RAB6B: variants seen among roughly 807,000 people sequenced by gnomAD.
The protein encoded by RAB6B is RAB6B, member RAS oncogene family.
RAB6B carries 7 observed loss-of-function variants against 31.2 expected under a neutral mutation model. That is an observed-to-expected ratio of 0.22 (90% confidence interval 0.13 to 0.42). The LOEUF (loss-of-function observed/expected upper bound fraction) is 0.42. Among genes scored for constraint, RAB6B ranks in the 10% least tolerant of loss-of-function variants. RAB6B has a pLI of 1.00. For missense variants in RAB6B, 149 were observed against 280.6 expected (o/e 0.53, Z 3.35); for synonymous variants, 105 against 104.9 (o/e 1.00, Z -0.01).
Position 133,825,794 on chromosome 3 carries a change from A to T in RAB6B, c.*2994T>A, listed in dbSNP as rs1165131020. Reference sequence around the variant, plus strand: ...AAAAGAAGGCCAAGAGGATCCTGCTAATCTGCCAGGTCACGTCTAGTCTTT... The same window carrying T: ...AAAAGAAGGCCAAGAGGATCCTGCTTATCTGCCAGGTCACGTCTAGTCTTT... On this transcript the variant is annotated 3_prime_UTR_variant, in exon 8 of 8. Transcript: ENST00000285208. 1 of 152,192 alleles carries T rather than the reference A, an allele frequency of 6.6e-6. No homozygotes were observed. The highest frequency in any genetic ancestry group is 1.5e-5 in the Non-Finnish European group (1 of 68,058). The allele number at this position is 152,192 out of a possible 1,614,324, so 9.4% of individuals were successfully genotyped here.
intron 5 of RAB6B, among the ~76,000 whole-genome samples, 167 bp from the exon 6 acceptor site, chr3:133,838,426 G>A (rs746448561): frequency 6.6e-5 from 10 of 152,126 alleles, no homozygotes; most frequent in Non-Finnish European, 1.3e-4. Context: ...CCACAGTCTC[G>A]CTAGCACAAA....
chr3:133,842,096 C>A (rs1356861296), intron 2 of RAB6B, among the ~76,000 whole-genome samples: 1 of 152,202 alleles, frequency 6.6e-6, no homozygotes, highest in African/African-American at 2.4e-5. Flanking sequence ...ACACTGACCT[C>A]GGGAGGGTGG....
At chr3:133,839,715 C>T (rs948310321) in intron 4 of RAB6B, 98 bp from the exon 5 acceptor site, 9 of 871,270 alleles carry the variant, frequency 1.0e-5, no homozygotes, top group Non-Finnish European at 1.8e-5. Context: ...GGAGGGTGAG[C>T]ATGTGCCCTC....
Position 133,859,536 on chromosome 3 carries a change from C to T in RAB6B, c.129+5048G>A, listed in dbSNP as rs141620814. Among the ~76,000 whole-genome samples the T allele has an allele frequency of 1.6e-3, 249 of 152,304 alleles. 1 individual carries two copies. Among genetic ancestry groups the T allele is most frequent in the African/African-American group, 5.8e-3 (239 of 41,554 alleles). ...TTTTCATCATTGGGTCCTACCTCAC[C>T]TACACCAGCAAAGGCAGTGCGAGGG... is the stretch of plus-strand genomic sequence containing the variant. On this transcript the variant is annotated intron_variant, in intron 2 of 7. Transcript: ENST00000285208.
chr3:133,892,411 C>T lies in RAB6B; in HGVS notation c.70+2986G>A, dbSNP rs557500211. On this transcript the variant is annotated intron_variant, in intron 1 of 7. Transcript: ENST00000285208. ...GCTCTTTCACTGGCTTGAGGTATTT[C>T]CTCCAGAGTGGCTTCTCAAGGGCCT... Among the ~76,000 whole-genome samples the T allele has an allele frequency of 2.0e-5, 3 of 152,282 alleles. No homozygotes were observed. In the South Asian group the frequency reaches 6.2e-4, roughly 32 times the overall value.
At chr3:133,881,238 T>C (rs1917779) in intron 1 of RAB6B, among the ~76,000 whole-genome samples, 28,955 of 152,098 alleles carry the variant, frequency 0.19, 3,257 homozygotes, top group African/African-American at 0.31. Context: ...AGCAGCACTA[T>C]AGATGAGCCA....
chr3:133,841,902 C>T (rs1935841130), intron 2 of RAB6B, among the ~76,000 whole-genome samples: 1 of 152,170 alleles, frequency 6.6e-6, no homozygotes, highest in East Asian at 1.9e-4. Flanking sequence ...CTGGAGAGGG[C>T]AAGTGCTTCA....
intron 1 of RAB6B, chr3:133,894,519 G>C (rs946551218): frequency 2.0e-5 from 3 of 152,386 alleles, no homozygotes; most frequent in African/African-American, 7.2e-5. Context: ...GCTGGGAGGT[G>C]GGGGTGGGAA....
chr3:133,840,481 C>T (rs1186362678), intron 4 of RAB6B, among the ~76,000 whole-genome samples: 2 of 152,196 alleles, frequency 1.3e-5, no homozygotes, highest in African/African-American at 4.8e-5. Flanking sequence ...TGGAGGGGGC[C>T]TGTGGTCAGA....
At chr3:133,863,871 G>A (rs2108003364) in intron 2 of RAB6B, among the ~76,000 whole-genome samples, 2 of 152,242 alleles carry the variant, frequency 1.3e-5, no homozygotes, top group South Asian at 4.1e-4. Flanking sequence ...AGCTATAATT[G>A]CATGGAAAAT....
intron 7 of RAB6B, among the ~76,000 whole-genome samples, chr3:133,833,928 G>A (rs557073982): frequency 6.6e-6 from 1 of 152,350 alleles, no homozygotes; most frequent in African/African-American, 2.4e-5. Flanking sequence ...ATGGAATAGG[G>A]CTGGATATGG....
intron 7 of RAB6B, among the ~76,000 whole-genome samples, chr3:133,831,787 C>T (rs543585463): frequency 1.1e-4 from 17 of 152,334 alleles, no homozygotes; most frequent in Admixed American, 3.3e-4. Flanking sequence ...TGGCCCATCA[C>T]GGGCCACATT....
In RAB6B at chr3:133,841,178, GCACACACATGCGTGTGCACACACA is replaced by G; in HGVS notation, c.289+83_289+106del. 4 of 960,184 alleles carry G rather than the reference GCACACACATGCGTGTGCACACACA, an allele frequency of 4.2e-6. No individual in the cohort carries two copies. The South Asian group carries it at 4.5e-5, about 11-fold the overall frequency. The allele number at this position is 960,184 out of a possible 1,614,324, so 59.5% of individuals were successfully genotyped here. A position where few individuals can be genotyped will look rare whatever the true frequency, so the allele number is the denominator to read the frequency against. On this transcript the variant is annotated intron_variant, in intron 4 of 7. Coordinates refer to ENST00000285208, the MANE Select transcript of RAB6B (RefSeq NM_016577.4). ...GGAGCAATCGCACACACATGCGTGT[GCACACACATGCGTGTGCACACACA>G]TGCACACAGGCCTGGCCAGGGTCAC...
At position 133,864,641 on chromosome 3, in the gene RAB6B, G is replaced by A. The variant is rs373466732; in HGVS notation, c.72C>T (p.Val24=). The A allele has an allele frequency of 2.8e-5, 45 of 1,613,864 alleles. No homozygotes were observed. Among genetic ancestry groups the A allele is most frequent in the African/African-American group, 6.7e-5 (5 of 74,934 alleles). ...ACCTCGTAATCAGAGACGTCTTCCC[G>A]ACTGCAAAACAACAAGGAGAGAGGT... ...FKLVFLGEQS[V]GKTSLITRFM... is the part of the protein sequence containing the mutation. Residue 24 remains valine, a splice_region_variant and synonymous_variant, in exon 2 of 8, where the codon GTC becomes GTT. Transcript: ENST00000285208.
chr3:133,838,953 G>A (rs1468378293), intron 5 of RAB6B, among the ~76,000 whole-genome samples: 1 of 152,236 alleles, frequency 6.6e-6, no homozygotes, highest in Non-Finnish European at 1.5e-5. Flanking sequence ...TGGCACCTCA[G>A]TTCTCCCTGT....
At chr3:133,856,507 T>C (rs1334888504) in intron 2 of RAB6B, among the ~76,000 whole-genome samples, 1 of 152,152 alleles carries the variant, frequency 6.6e-6, no homozygotes. Flanking sequence ...TTGGCCAGAA[T>C]TGAGTCATAT....
intron 4 of RAB6B, 78 bp downstream of exon 4, chr3:133,841,207 C>T (rs1935824815): frequency 7.3e-7 from 1 of 1,367,418 alleles, no homozygotes; most frequent in South Asian, 1.2e-5. Flanking sequence ...CACACATGCA[C>T]ACAGGCCTGG....
intron 7 of RAB6B, among the ~76,000 whole-genome samples, chr3:133,833,006 C>A (rs999728234): frequency 1.3e-5 from 2 of 152,226 alleles, no homozygotes; most frequent in Non-Finnish European, 2.9e-5. Flanking sequence ...CACCACTCAC[C>A]CCGGCCAGTG....
At chr3:133,864,172 G>A (rs1406685193) in intron 2 of RAB6B, among the ~76,000 whole-genome samples, 1 of 146,026 alleles carries the variant, frequency 6.8e-6, no homozygotes, top group Non-Finnish European at 1.5e-5. Context: ...GTGGGGGGGG[G>A]CGGGGGTGAG....
Sources: gnomAD v4.1 joint callset for allele counts (sites outside exome capture counted in the v4.1 genomes callset) on GRCh38, gnomAD v4.1.1 for gene constraint, MANE v1.5 for transcripts, NCBI Gene and HGNC (gene_info 2026-07-23, HGNC 2026-07-21) for gene names.